Variants in GRIK2 observed in about 807,000 individuals in gnomAD.
GRIK2 encodes glutamate ionotropic receptor kainate type subunit 2, also known as glutamate receptor ionotropic, kainate 2.
Under a neutral mutation model 100.3 loss-of-function variants are expected in GRIK2, and 32 were observed. That is an observed-to-expected ratio of 0.32 (90% CI 0.24 to 0.43). GRIK2 has a LOEUF of 0.43. Ranked by LOEUF, GRIK2 falls within the 20% of genes least tolerant of loss-of-function variation. GRIK2 has a pLI of 1.00. For synonymous variants in GRIK2, 417 were observed against 389.4 expected, an observed-to-expected ratio of 1.07 and a Z score of -0.83; for missense variants, 843 against 1,114.9, an observed-to-expected ratio of 0.76 and a Z score of 3.47.
intron 12 of GRIK2, among the ~76,000 whole-genome samples, chr6:101,920,111 T>C (rs959330939): frequency 8.6e-5 from 13 of 151,936 alleles, no homozygotes; most frequent in African/African-American, 2.4e-4. Context: ...TAATTTATAG[T>C]GAAGAAACCA....
intron 11 of GRIK2, among the ~76,000 whole-genome samples, chr6:101,860,080 G>C (rs1784649621): frequency 6.6e-6 from 1 of 151,776 alleles, no homozygotes; most frequent in Admixed American, 6.6e-5. Context: ...TCTTTCTTAA[G>C]AGGACCTTAA....
At chr6:101,601,277 A>G (rs140821610) in intron 2 of GRIK2, among the ~76,000 whole-genome samples, 3 of 152,014 alleles carry the variant, frequency 2.0e-5, no homozygotes, top group Non-Finnish European at 2.9e-5. Flanking sequence ...TATCTCAGGA[A>G]TGAACCTTAC....
intron 14 of GRIK2, among the ~76,000 whole-genome samples, chr6:101,966,777 A>ATATT (rs1792702254): frequency 1.3e-5 from 2 of 152,170 alleles, no homozygotes; most frequent in South Asian, 4.1e-4. Flanking sequence ...AACTGGGAAA[A>ATATT]TATTAACAAT....
At chr6:101,479,185 C>G (rs534482409) in intron 2 of GRIK2, among the ~76,000 whole-genome samples, 2 of 152,304 alleles carry the variant, frequency 1.3e-5, no homozygotes, top group South Asian at 4.1e-4. Flanking sequence ...GCTACAGTCA[C>G]TAATCTCATT....
chr6:101,725,470 C>G (rs929392498), intron 7 of GRIK2, among the ~76,000 whole-genome samples: 3 of 151,886 alleles, frequency 2.0e-5, no homozygotes, highest in African/African-American at 7.3e-5. Context: ...TCTCAGGAAA[C>G]GATAATTTAA....
intron 14 of GRIK2, among the ~76,000 whole-genome samples, chr6:102,008,518 T>G (rs1338631409): frequency 6.6e-6 from 1 of 152,080 alleles, no homozygotes; most frequent in African/African-American, 2.4e-5. Flanking sequence ...AAATTACAAT[T>G]AACAAAGAAG....
intron 9 of GRIK2, among the ~76,000 whole-genome samples, chr6:101,803,396 A>G (rs1350831049): frequency 6.6e-6 from 1 of 151,884 alleles, no homozygotes; most frequent in African/African-American, 2.4e-5. Flanking sequence ...TTTTAAATAC[A>G]TTATGACCAA....
chr6:101,626,158 T>G (rs2128318511), intron 3 of GRIK2, among the ~76,000 whole-genome samples: 1 of 152,282 alleles, frequency 6.6e-6, no homozygotes, highest in South Asian at 2.1e-4. Flanking sequence ...TTTATAGAAT[T>G]ATTTGAACAT....
chr6:102,006,698 T>C (rs1795259410), intron 14 of GRIK2, among the ~76,000 whole-genome samples: 1 of 151,716 alleles, frequency 6.6e-6, no homozygotes, highest in Non-Finnish European at 1.5e-5. Context: ...ATAATGATCC[T>C]TATTAAGCCC....
intron 14 of GRIK2, among the ~76,000 whole-genome samples, chr6:102,023,823 T>C (rs1769554027): frequency 6.6e-6 from 1 of 151,388 alleles, no homozygotes; most frequent in African/African-American, 2.4e-5. Flanking sequence ...AGAGAGAGTT[T>C]AGTGAGTTTA....
At chr6:101,973,524 G>A (rs1030438253) in intron 14 of GRIK2, among the ~76,000 whole-genome samples, 1 of 151,752 alleles carries the variant, frequency 6.6e-6, no homozygotes, top group Non-Finnish European at 1.5e-5. Flanking sequence ...GTTTTTTGCT[G>A]CCTTTTCCTC....
chr6:101,889,500 A>T (rs1426512733), intron 11 of GRIK2, 140 bp from the exon 12 acceptor site: 2 of 557,100 alleles, frequency 3.6e-6, no homozygotes, highest in Non-Finnish European at 6.3e-6. Flanking sequence ...AAATTTTAAC[A>T]TAATCGTTAC....
intron 2 of GRIK2, among the ~76,000 whole-genome samples, chr6:101,600,490 G>A (rs62421360): frequency 0.07 from 10,663 of 151,924 alleles, 407 homozygotes; most frequent in African/African-American, 0.086. Flanking sequence ...CTTGCTTTGG[G>A]CAGTATGACC....
chr6:102,060,862 A>G (rs575098835), intron 16 of GRIK2, among the ~76,000 whole-genome samples: 1 of 150,768 alleles, frequency 6.6e-6, no homozygotes. Context: ...TTTCACAGCT[A>G]TATTGACTAA....
chr6:101,523,699 A>G lies in GRIK2; in HGVS notation c.116-98250A>G, dbSNP rs190621494. Among the ~76,000 whole-genome samples, 280 of 150,776 alleles carry G rather than the reference A, an allele frequency of 1.9e-3. 6 individuals carry two copies. Among genetic ancestry groups the G allele is most frequent in the Admixed American group, 0.016 (248 of 15,104 alleles). Reference sequence around the variant, plus strand: ...GTTCTCTTTCCTTGACTACAAAAATAGAACATAATGACTCCTAAGTCTTTT... The same window carrying G: ...GTTCTCTTTCCTTGACTACAAAAATGGAACATAATGACTCCTAAGTCTTTT... On this transcript the variant is annotated intron_variant, in intron 2 of 16. Transcript: ENST00000369134.
At chr6:101,672,074 A>G (rs963824918) in intron 4 of GRIK2, among the ~76,000 whole-genome samples, 1 of 152,062 alleles carries the variant, frequency 6.6e-6, no homozygotes, top group Non-Finnish European at 1.5e-5. Context: ...GGTATTAGAT[A>G]TGGCTAGGAT....
chr6:101,412,626 A>G (rs375528021), intron 2 of GRIK2, among the ~76,000 whole-genome samples: 2 of 152,042 alleles, frequency 1.3e-5, no homozygotes, highest in Admixed American at 6.6e-5. Flanking sequence ...AATATTTTCA[A>G]TTCTTTTAAT....
chr6:101,675,484 AAG>A (rs1770767960), intron 4 of GRIK2, among the ~76,000 whole-genome samples: 1 of 152,200 alleles, frequency 6.6e-6, no homozygotes, highest in African/African-American at 2.4e-5. Flanking sequence ...GATAAGAAGA[AAG>A]AGTAGAAGGA....
intron 2 of GRIK2, among the ~76,000 whole-genome samples, chr6:101,606,118 G>A (rs1779426940): frequency 6.6e-6 from 1 of 152,026 alleles, no homozygotes; most frequent in Non-Finnish European, 1.5e-5. Flanking sequence ...GGCTCTCACT[G>A]GATGACTCAG....
Sources: allele counts gnomAD v4.1 joint callset (sites outside exome capture counted in the v4.1 genomes callset), GRCh38; gene constraint gnomAD v4.1.1; transcripts MANE v1.5; gene names NCBI Gene and HGNC (gene_info 2026-07-23, HGNC 2026-07-21).